The following BCORL1 variants were observed in gnomAD, a reference collection of about 807,000 sequenced individuals.
BCORL1 encodes BCL6 corepressor like 1, also known as BCL-6 corepressor-like protein 1.
In BCORL1, 7 loss-of-function variants were observed where a neutral mutation model predicts 87.6. The ratio of observed to expected loss-of-function variants is 0.08; its 90% CI spans 0.05 to 0.15. The LOEUF is 0.15. BCORL1 is among the 10% of genes least tolerant of loss of function. The pLI is 1.00. For synonymous variants in BCORL1, 591 were observed against 634.4 expected, an observed-to-expected ratio of 0.93 and a Z score of 1.03; for missense variants, 1,215 against 1,499.7, an observed-to-expected ratio of 0.81 and a Z score of 3.13.
chrX:130,026,635 G>A (rs1192649294), intron 7 of BCORL1, among the ~76,000 whole-genome samples: 3 of 112,254 alleles, frequency 2.7e-5, no homozygotes, highest in African/African-American at 6.5e-5. Context: ...AAGGACCTTC[G>A]AGGTTGCCTG....
At chrX:130,029,492 T>G (rs1411486121) in intron 8 of BCORL1, among the ~76,000 whole-genome samples, 4 of 111,299 alleles carry the variant, frequency 3.6e-5, no homozygotes, top group Non-Finnish European at 7.5e-5. Context: ...GTTGTATCCT[T>G]AGAAAAAATC....
chrX:130,042,724 C>T (rs2124550220), intron 11 of BCORL1, among the ~76,000 whole-genome samples: 1 of 111,836 alleles, frequency 8.9e-6, no homozygotes, highest in South Asian at 3.7e-4. Flanking sequence ...GTAATCCCAG[C>T]ACTTTGGGAG....
chrX:130,045,163 G>T (rs1215508476), intron 11 of BCORL1, among the ~76,000 whole-genome samples: 1 of 112,201 alleles, frequency 8.9e-6, no homozygotes, highest in Non-Finnish European at 1.9e-5. Flanking sequence ...CAAATTACAG[G>T]CAGGTATGTG....
chrX:130,047,491 T>C (rs575240689), intron 11 of BCORL1, among the ~76,000 whole-genome samples: 26 of 112,339 alleles, frequency 2.3e-4, no homozygotes, highest in Middle Eastern at 9.1e-3. Context: ...CAGTTAACTT[T>C]TGGCTGTCTC....
intron 10 of BCORL1, among the ~76,000 whole-genome samples, chrX:130,038,612 G>A (rs1411198230): frequency 9.0e-6 from 1 of 110,709 alleles, no homozygotes; most frequent in Non-Finnish European, 1.9e-5. Flanking sequence ...CTTCTGAGTA[G>A]CTGGGACTAT....
chrX:130,002,942 A>G (rs1298556249), intron 1 of BCORL1, among the ~76,000 whole-genome samples: 1 of 110,311 alleles, frequency 9.1e-6, no homozygotes, highest in Non-Finnish European at 1.9e-5. Context: ...GCAGTGGAAG[A>G]GAAGGGCCCC....
chrX:130,032,176 C>T (rs1035854514), intron 8 of BCORL1, among the ~76,000 whole-genome samples: 1 of 112,174 alleles, frequency 8.9e-6, no homozygotes, highest in Admixed American at 9.5e-5. Context: ...CACACAGTTT[C>T]TTGGGGTCAG....
chrX:130,020,850 C>T lies in BCORL1; in HGVS notation c.3442-135C>T, dbSNP rs746841929. 2.9e-4 allele frequency: 205 copies of T among 700,847 alleles called. No individual in the cohort carries two copies. The Middle Eastern group carries it at 0.01, about 34-fold the overall frequency. 57.8% of individuals were successfully genotyped at this position (700,847 alleles called of 1,213,427 possible). A position where few individuals can be genotyped will look rare whatever the true frequency, so the allele number is the denominator to read the frequency against. On this transcript the variant is annotated intron_variant, in intron 4 of 13. Transcript: ENST00000540052. ...GTCACCCACTCTGGAAGGCAGTGCA[C>T]GGCCCCTTGCCCCTGGTCCCCCACT...
At chrX:130,052,069 T>A in intron 13 of BCORL1, 53 bp downstream of exon 13, 3 of 1,094,321 alleles carry the variant, frequency 2.7e-6, no homozygotes, top group Non-Finnish European at 3.7e-6. Context: ...TGGCACTCAG[T>A]AGGAAGGTGG....
At chrX:130,022,725 A>T (rs1231875471) in intron 5 of BCORL1, among the ~76,000 whole-genome samples, 172 bp from the exon 6 acceptor site, 1 of 112,600 alleles carries the variant, frequency 8.9e-6, no homozygotes, top group African/African-American at 3.2e-5. Flanking sequence ...TACAAGAGAC[A>T]CATATGTGAT....
intron 1 of BCORL1, among the ~76,000 whole-genome samples, chrX:129,997,625 C>T (rs1927662828): frequency 9.3e-6 from 1 of 108,101 alleles, no homozygotes; most frequent in Non-Finnish European, 1.9e-5. Flanking sequence ...AACCCCGTCT[C>T]TACTAAAAAT....
upstream of BCORL1, chrX:129,981,543 G>A (rs912280671): frequency 2.7e-5 from 3 of 109,797 alleles, no homozygotes; most frequent in African/African-American, 6.7e-5. Flanking sequence ...GATGAGGTTT[G>A]AAGATTGGGA....
intron 6 of BCORL1, among the ~76,000 whole-genome samples, chrX:130,023,309 A>G (rs1351864373): frequency 2.7e-5 from 3 of 112,013 alleles, no homozygotes; most frequent in Non-Finnish European, 5.6e-5. Context: ...CCTCGTCATT[A>G]CTGGGGCTAA....
chrX:130,026,741 G>C (rs935649409), intron 7 of BCORL1, among the ~76,000 whole-genome samples: 1 of 112,907 alleles, frequency 8.9e-6, no homozygotes, highest in Non-Finnish European at 1.9e-5. Context: ...CAGTAACGCA[G>C]AGAACACCAC....
In BCORL1 at chrX:130,013,247, G is replaced by T. The variant is rs750050005; in HGVS notation, c.475G>T (p.Val159Leu). The T allele has an allele frequency of 8.2e-7, 1 of 1,212,191 alleles. No homozygotes were observed. The highest frequency in any genetic ancestry group is 1.1e-6 in the Non-Finnish European group (1 of 895,586). Residue 159 changes from valine (V) to leucine (L), a missense_variant, in exon 4 of 14, where the codon GTA becomes TTA. Physicochemically the swap from Val to Leu is conservative, Grantham distance 32. Around this residue, in one of 5 missense-constraint regions of BCORL1, gnomAD observed 861 missense variants for 1,010.0 expected, o/e 0.85. Coordinates refer to ENST00000540052, the MANE Select transcript of BCORL1 (RefSeq NM_001379451.1). ...ACAGGTTGACTGCTCACCCGCCGGA[G>T]TAAAGGCTTTGGACTCTCGGCAAGG... Reference protein sequence around the residue: ...SKQVDCSPAGVKALDSRQGVG... With the variant: ...SKQVDCSPAGLKALDSRQGVG...
At chrX:130,026,427 A>G (rs1315603388) in intron 7 of BCORL1, among the ~76,000 whole-genome samples, 1 of 112,629 alleles carries the variant, frequency 8.9e-6, no homozygotes, top group Non-Finnish European at 1.9e-5. Context: ...TTCATCAACT[A>G]TGTGACAGAG....
At chrX:129,982,389 C>A (rs1926183501), upstream of BCORL1, among the ~76,000 whole-genome samples, 1 of 111,758 alleles carries the variant, frequency 8.9e-6, no homozygotes, top group South Asian at 3.7e-4. Flanking sequence ...GGCTCTGCCC[C>A]CTTCGCCGCC....
chrX:130,034,821 C>T, intron 9 of BCORL1, 145 bp downstream of exon 9: 1 of 315,517 alleles, frequency 3.2e-6, no homozygotes, highest in Non-Finnish European at 5.5e-6. Context: ...TGCCCCTCAT[C>T]ACTTGGATGT....
At chrX:129,994,840 A>T (rs1213672799) in intron 1 of BCORL1, among the ~76,000 whole-genome samples, 2 of 111,351 alleles carry the variant, frequency 1.8e-5, no homozygotes, top group Non-Finnish European at 3.8e-5. Flanking sequence ...GTTAGAATAG[A>T]TTTTTAGTCA....
Sources: gnomAD v4.1 joint callset for allele counts (sites outside exome capture counted in the v4.1 genomes callset) on GRCh38, gnomAD v4.1.1 for gene constraint, gnomAD v4.1.1 regional missense constraint, MANE v1.5 for transcripts, NCBI Gene and HGNC (gene_info 2026-07-23, HGNC 2026-07-21) for gene names.